The following ATP6V0D2 variants were observed in gnomAD, a reference collection of about 807,000 sequenced individuals.
ATP6V0D2 encodes the protein V-type proton ATPase subunit d 2.
In ATP6V0D2, 40 loss-of-function variants were observed where a neutral mutation model predicts 40.0. The observed-to-expected ratio is 1.00, with a 90% CI of 0.78 to 1.30. The LOEUF (loss-of-function observed/expected upper bound fraction) is 1.30, where lower values mean the gene tolerates loss of function less well. Ranked by LOEUF, ATP6V0D2 falls within the 50% of genes most tolerant of loss-of-function variation. The pLI is 0.00. For missense variants in ATP6V0D2, 470 were observed against 423.1 expected (o/e 1.11, Z -0.97); for synonymous variants, 179 against 156.3 (o/e 1.15, Z -1.08).
rs566261711 is a variant in ATP6V0D2, at chr8:86,151,073, C to T, written c.817-393C>T. Reference sequence around the variant, plus strand: ...GAATTTCTCCCAAATTCCACCCCTTCCACACTGGAAACTACATGTGAATTT... The same window carrying T: ...GAATTTCTCCCAAATTCCACCCCTTTCACACTGGAAACTACATGTGAATTT... On this transcript the variant is annotated intron_variant, in intron 6 of 7. Coordinates refer to ENST00000285393, the MANE Select transcript of ATP6V0D2 (RefSeq NM_152565.1). Among the ~76,000 whole-genome samples the T allele has an allele frequency of 3.0e-4, 45 of 152,294 alleles. No homozygotes were observed. In the South Asian group the frequency reaches 8.9e-3, roughly 30 times the overall value.
intron 2 of ATP6V0D2, among the ~76,000 whole-genome samples, chr8:86,114,103 T>C (rs1586088164): frequency 6.6e-6 from 1 of 151,452 alleles, no homozygotes; most frequent in Non-Finnish European, 1.5e-5. Context: ...TCAGCGGTGG[T>C]GGCCTCCATC....
intron 2 of ATP6V0D2, among the ~76,000 whole-genome samples, chr8:86,132,342 C>A (rs1056317783): frequency 2.6e-5 from 4 of 151,948 alleles, no homozygotes; most frequent in Admixed American, 2.6e-4. Flanking sequence ...TGTTGGGAAC[C>A]ATCAGTCTAT....
intron 6 of ATP6V0D2, among the ~76,000 whole-genome samples, chr8:86,150,986 C>T (rs977995090): frequency 6.6e-6 from 1 of 152,182 alleles, no homozygotes; most frequent in Admixed American, 6.5e-5. Flanking sequence ...TCAGCAAATG[C>T]GTAACCCTTG....
chr8:86,145,735 T>A (rs886187943), intron 5 of ATP6V0D2, among the ~76,000 whole-genome samples: 2 of 152,230 alleles, frequency 1.3e-5, no homozygotes, highest in African/African-American at 4.8e-5. Flanking sequence ...AAAAGTAGAA[T>A]TTCTACTCAG....
chr8:86,103,146 T>G (rs1818425104), intron 1 of ATP6V0D2, among the ~76,000 whole-genome samples: 2 of 151,964 alleles, frequency 1.3e-5, no homozygotes, highest in African/African-American at 4.8e-5. Context: ...AGACGGAGTT[T>G]AGCTCCTGTC....
At chr8:86,105,214 GTTTGTCT>G (rs1818453295) in intron 1 of ATP6V0D2, among the ~76,000 whole-genome samples, 1 of 152,166 alleles carries the variant, frequency 6.6e-6, no homozygotes, top group Admixed American at 6.5e-5. Flanking sequence ...CATTTGCCTC[GTTTGTCT>G]ATCTAGCTCC....
chr8:86,147,740 G>C (rs1239206403), intron 5 of ATP6V0D2, among the ~76,000 whole-genome samples: 1 of 152,174 alleles, frequency 6.6e-6, no homozygotes, highest in African/African-American at 2.4e-5. Context: ...AGAAATGGAA[G>C]GGCTTGTTAT....
At chr8:86,143,506 C>T (rs1011550117) in intron 5 of ATP6V0D2, among the ~76,000 whole-genome samples, 3 of 152,250 alleles carry the variant, frequency 2.0e-5, no homozygotes, top group East Asian at 1.9e-4. Context: ...TCATGTCTCC[C>T]CTTTTTAGAC....
rs1413044286 is a variant in ATP6V0D2 at position 86,111,653 on chromosome 8, C to G, written c.131-2056C>G. On this transcript the variant is annotated intron_variant, in intron 1 of 7. Transcript: ENST00000285393. ...GGTTCTATTTTTAATTTATTTCTCT[C>G]CCACTTAATACTTCAGCAACACTGA... Among the ~76,000 whole-genome samples the G allele has an allele frequency of 2.6e-5, 4 of 152,122 alleles. No homozygotes were observed. In the East Asian group the frequency reaches 7.7e-4, roughly 29 times the overall value.
At position 86,142,938 on chromosome 8, in the gene ATP6V0D2, T is replaced by C; in HGVS notation, c.623T>C (p.Met208Thr). 6.2e-7 allele frequency: 1 copy of C among 1,610,102 alleles called. No individual in the cohort carries two copies. Among genetic ancestry groups the C allele is most frequent in the Non-Finnish European group, 8.5e-7 (1 of 1,177,428 alleles). Residue 208 changes from methionine (M) to threonine (T), a missense_variant, in exon 5 of 8, where the codon ATG becomes ACG. Transcript: ENST00000285393. ...CATGGTGATGTCACAGCAGAAGTTA[T>C]GTGTCCCATTCTTGAGGTAAGAAAG... The part of the protein sequence containing the change: ...KNHGDVTAEV[M>T]CPILEFEADR...
At chr8:86,149,910 G>GT (rs757545374) in intron 5 of ATP6V0D2, among the ~76,000 whole-genome samples, 1 of 152,140 alleles carries the variant, frequency 6.6e-6, no homozygotes, top group African/African-American at 2.4e-5. Context: ...CATTGCTGCT[G>GT]TGTGATCCTT....
chr8:86,107,428 GA>G (rs1818482412), intron 1 of ATP6V0D2, among the ~76,000 whole-genome samples: 1 of 152,248 alleles, frequency 6.6e-6, no homozygotes, highest in African/African-American at 2.4e-5. Flanking sequence ...CGCTAACACT[GA>G]ATGAGGACAA....
intron 2 of ATP6V0D2, among the ~76,000 whole-genome samples, chr8:86,122,540 A>G (rs1818684042): frequency 6.6e-6 from 1 of 152,150 alleles, no homozygotes; most frequent in Non-Finnish European, 1.5e-5. Flanking sequence ...GGAAAACCAG[A>G]TCATTTGATC....
At chr8:86,146,736 A>G (rs2721248) in intron 5 of ATP6V0D2, among the ~76,000 whole-genome samples, 60,815 of 152,052 alleles carry the variant, frequency 0.4, 15,146 homozygotes, top group Middle Eastern at 0.6. Context: ...TTATTTATAC[A>G]GAAATATCAG....
At chr8:86,143,074 C>A in intron 5 of ATP6V0D2, 120 bp downstream of exon 5, 1 of 617,350 alleles carries the variant, frequency 1.6e-6, no homozygotes, top group Non-Finnish European at 2.8e-6. Flanking sequence ...GTAAGACAAG[C>A]AGTACATTTT....
At chr8:86,119,008 T>G (rs1818632207) in intron 2 of ATP6V0D2, among the ~76,000 whole-genome samples, 1 of 152,100 alleles carries the variant, frequency 6.6e-6, no homozygotes, top group Admixed American at 6.5e-5. Context: ...TTAGTTGAGT[T>G]CAGAAAATCT....
intron 1 of ATP6V0D2, among the ~76,000 whole-genome samples, chr8:86,110,375 G>A (rs1445048583): frequency 2.6e-5 from 4 of 152,320 alleles, no homozygotes; most frequent in Non-Finnish European, 1.5e-5. Flanking sequence ...GATTACAGGC[G>A]TGGGCCACCA....
chr8:86,112,997 C>T (rs1031357321), intron 1 of ATP6V0D2, among the ~76,000 whole-genome samples: 6 of 152,144 alleles, frequency 3.9e-5, no homozygotes, highest in African/African-American at 1.4e-4. Context: ...CCCCCACACC[C>T]ATGGTAGCTA....
rs1819182914 is a variant in ATP6V0D2 at position 86,153,263 on chromosome 8, A to T, written c.*286A>T. On this transcript the variant is annotated 3_prime_UTR_variant, in exon 8 of 8. Transcript: ENST00000285393. Reference sequence around the variant, plus strand: ...GTATTTTTCTTATTCTTGTTTGATCATGTTAAAAATTGGACCTAATAAAAG... The same window carrying T: ...GTATTTTTCTTATTCTTGTTTGATCTTGTTAAAAATTGGACCTAATAAAAG... The T allele has an allele frequency of 9.8e-6, 2 of 203,230 alleles. No individual in the cohort carries two copies. The highest frequency in any genetic ancestry group is 2.0e-5 in the Non-Finnish European group (2 of 102,338). 12.6% of individuals were successfully genotyped at this position (203,230 alleles called of 1,614,324 possible).
Sources: gnomAD v4.1 joint callset for allele counts (sites outside exome capture counted in the v4.1 genomes callset) on GRCh38, gnomAD v4.1.1 for gene constraint, MANE v1.5 for transcripts, NCBI Gene and HGNC (gene_info 2026-07-23, HGNC 2026-07-21) for gene names.